IKZF3: variants seen among roughly 807,000 people sequenced by gnomAD.
IKZF3 encodes zinc finger protein Aiolos.
A neutral mutation model predicts 49.0 loss-of-function variants in IKZF3; 10 were observed. The ratio of observed to expected loss-of-function variants is 0.20; its 90% CI spans 0.13 to 0.35. IKZF3 has a LOEUF of 0.35. IKZF3 is among the 10% of genes least tolerant of loss of function. The pLI is 1.00. For synonymous variants in IKZF3, 209 were observed against 228.2 expected (o/e 0.92, Z 0.76); for missense variants, 498 against 664.8 (o/e 0.75, Z 2.76).
chr17:39,783,045 GGTT>G (rs2060784040), intron 6 of IKZF3, among the ~76,000 whole-genome samples: 1 of 152,138 alleles, frequency 6.6e-6, no homozygotes. Flanking sequence ...AGTCATTGGA[GGTT>G]TAACTATGTA....
At chr17:39,779,646 G>T (rs147329051) in intron 6 of IKZF3, among the ~76,000 whole-genome samples, 93 of 117,602 alleles carry the variant, frequency 7.9e-4, no homozygotes, top group East Asian at 1.4e-3. Context: ...TATATTCTTT[G>T]TTTTTTGTTT....
rs2062049915 is a variant in IKZF3, at chr17:39,829,493, A to G, written c.62-5T>C. On this transcript the variant is annotated splice_region_variant and splice_polypyrimidine_tract_variant and intron_variant, in intron 2 of 7. Transcript: ENST00000346872. ...CATTCAAAACCGCTGCACTTTCTAA[A>G]AGATAAAAGGAATTTTAAGTATGTG... is the stretch of plus-strand genomic sequence containing the variant. 6.2e-7 allele frequency: 1 copy of G among 1,600,060 alleles called. No individual in the cohort carries two copies. Among genetic ancestry groups the G allele is most frequent in the Admixed American group, 1.7e-5 (1 of 59,908 alleles).
rs1308770897 is a variant in IKZF3 at position 39,862,940 on chromosome 17, C to T, written c.7+1180G>A. On this transcript the variant is annotated intron_variant, in intron 1 of 7. Coordinates refer to ENST00000346872, the MANE Select transcript of IKZF3 (RefSeq NM_012481.5). ...TTCTATGGATTTACATGATTCTGTACATTATCCTTGATACGTGGTATGGTT... is the reference window on the plus strand; with the variant it reads ...TTCTATGGATTTACATGATTCTGTATATTATCCTTGATACGTGGTATGGTT... 4.6e-5 allele frequency among the ~76,000 whole-genome samples: 7 copies of T among 152,234 alleles called. No individual in the cohort carries two copies. In the South Asian group the frequency reaches 1.2e-3, roughly 27 times the overall value.
At chr17:39,836,105 G>C in intron 1 of IKZF3, 2 of 662,242 alleles carry the variant, frequency 3.0e-6, no homozygotes, top group Non-Finnish European at 2.7e-6. Flanking sequence ...AACTTGTTGA[G>C]GGTCTTAATC....
At chr17:39,842,398 G>T (rs564286198) in intron 1 of IKZF3, among the ~76,000 whole-genome samples, 13 of 152,290 alleles carry the variant, frequency 8.5e-5, no homozygotes, top group Admixed American at 6.5e-4. Context: ...GCATGGTGGC[G>T]CATGCCTGTA....
chr17:39,819,652 A>G (rs896604767), intron 3 of IKZF3, among the ~76,000 whole-genome samples: 1 of 152,144 alleles, frequency 6.6e-6, no homozygotes, highest in Admixed American at 6.6e-5. Flanking sequence ...ATTTAAGACA[A>G]AAGAAAAAGA....
rs1010339509 is a variant in IKZF3, at chr17:39,839,080, C to T, written c.8-6929G>A. 1.6e-4 allele frequency among the ~76,000 whole-genome samples: 24 copies of T among 152,096 alleles called. 1 individual carries two copies. Among genetic ancestry groups the T allele is most frequent in the African/African-American group, 5.8e-4 (24 of 41,424 alleles). Reference sequence around the variant, plus strand: ...TCCTGGCCTCAAGGAATCCTCTTGCCTTAGCTTCCCAAAGAGCTGGGATTA... The same window carrying T: ...TCCTGGCCTCAAGGAATCCTCTTGCTTTAGCTTCCCAAAGAGCTGGGATTA... On this transcript the variant is annotated intron_variant, in intron 1 of 7. Coordinates refer to ENST00000346872, the MANE Select transcript of IKZF3 (RefSeq NM_012481.5).
At position 39,765,540 on chromosome 17, in the gene IKZF3, G is replaced by T; in HGVS notation, c.*250C>A. The T allele has an allele frequency of 2.3e-6, 1 of 435,368 alleles. No individual in the cohort carries two copies. Among genetic ancestry groups the T allele is most frequent in the Non-Finnish European group, 4.1e-6 (1 of 243,074 alleles). The allele number at this position is 435,368 out of a possible 1,614,324, so 27.0% of individuals were successfully genotyped here. Reference sequence around the variant, plus strand: ...AAGATAATGACCAAATACCTTTTTGGCTTTTAAATTCCATAAAATTCAAGT... The same window carrying T: ...AAGATAATGACCAAATACCTTTTTGTCTTTTAAATTCCATAAAATTCAAGT... On this transcript the variant is annotated 3_prime_UTR_variant, in exon 8 of 8. Transcript: ENST00000346872.
chr17:39,799,689 A>C (rs2061268383), intron 3 of IKZF3, among the ~76,000 whole-genome samples: 1 of 152,218 alleles, frequency 6.6e-6, no homozygotes, highest in Non-Finnish European at 1.5e-5. Flanking sequence ...GCACAGCAGC[A>C]ACATGACTAA....
At chr17:39,785,051 AC>A (rs1174466717) in intron 6 of IKZF3, among the ~76,000 whole-genome samples, 1 of 152,206 alleles carries the variant, frequency 6.6e-6, no homozygotes, top group Non-Finnish European at 1.5e-5. Context: ...TTTACAAGTG[AC>A]GGATGAGGCA....
chr17:39,796,572 A>C (rs2061168382), intron 3 of IKZF3, among the ~76,000 whole-genome samples: 3 of 136,564 alleles, frequency 2.2e-5, no homozygotes, highest in Admixed American at 1.5e-4. Context: ...TCAGAGTCTC[A>C]CTCTGTTGCC....
intron 3 of IKZF3, among the ~76,000 whole-genome samples, chr17:39,809,360 C>T (rs1387417105): frequency 6.6e-6 from 1 of 152,138 alleles, no homozygotes; most frequent in African/African-American, 2.4e-5. Flanking sequence ...ACATCTGGAC[C>T]TACCAGTCAA....
At position 39,765,980 on chromosome 17, in the gene IKZF3, TC is replaced by T. The variant is rs1272841419; in HGVS notation, c.1339del (p.Glu447ArgfsTer2). ...GTCACACCGATACACATCCATCACC[TC>T]CCCTTCCTTGTTGATCACTTTGACG... ...DSVKVINKEG[E>X]VMDVYRCDHC... On this transcript the variant is annotated frameshift_variant, in exon 8 of 8. Transcript: ENST00000346872. LOFTEE classifies it high-confidence loss of function. The T allele has an allele frequency of 6.2e-7, 1 of 1,614,128 alleles. No individual in the cohort carries two copies.
At chr17:39,777,462 C>G (rs2060618699) in intron 7 of IKZF3, among the ~76,000 whole-genome samples, 189 bp downstream of exon 7, 1 of 152,168 alleles carries the variant, frequency 6.6e-6, no homozygotes, top group African/African-American at 2.4e-5. Flanking sequence ...CATGATGATG[C>G]TTTAGTTAAT....
intron 1 of IKZF3, among the ~76,000 whole-genome samples, chr17:39,841,204 T>G (rs1598175275): frequency 6.7e-6 from 1 of 148,312 alleles, no homozygotes; most frequent in Non-Finnish European, 1.5e-5. Flanking sequence ...AGTTTCCACA[T>G]GGAGGGACAG....
At chr17:39,843,780 C>T (rs1172909040) in intron 1 of IKZF3, among the ~76,000 whole-genome samples, 2 of 150,660 alleles carry the variant, frequency 1.3e-5, no homozygotes, top group Non-Finnish European at 2.9e-5. Context: ...GCACTCCAGC[C>T]TGGGCGACAG....
chr17:39,844,638 A>AT (rs1256230046), intron 1 of IKZF3, among the ~76,000 whole-genome samples: 1 of 149,992 alleles, frequency 6.7e-6, no homozygotes, highest in Non-Finnish European at 1.5e-5. Flanking sequence ...TTGTTTTTTT[A>AT]TTTTTTATTT....
chr17:39,790,050 A>C (rs938654758), intron 5 of IKZF3, among the ~76,000 whole-genome samples: 2 of 152,176 alleles, frequency 1.3e-5, no homozygotes, highest in African/African-American at 4.8e-5. Context: ...ATATGTAAGT[A>C]ATAACTTCAA....
chr17:39,854,985 C>T (rs961863912), intron 1 of IKZF3, among the ~76,000 whole-genome samples: 7 of 152,100 alleles, frequency 4.6e-5, no homozygotes, highest in Admixed American at 3.9e-4. Flanking sequence ...TGGCAGCAAT[C>T]CTCAAAACAG....
Sources: allele counts gnomAD v4.1 joint callset (sites outside exome capture counted in the v4.1 genomes callset), GRCh38; gene constraint gnomAD v4.1.1; transcripts MANE v1.5; gene names NCBI Gene and HGNC (gene_info 2026-07-23, HGNC 2026-07-21).